Variants in TRIM61 observed in about 807,000 individuals in gnomAD.
TRIM61 encodes the protein putative tripartite motif-containing protein 61.
In TRIM61, 1 loss-of-function variant was observed where a neutral mutation model predicts 14.2. The observed-to-expected ratio is 0.07, with a 90% CI of 0.03 to 0.33. The LOEUF is 0.33. TRIM61 is among the 10% of genes least tolerant of loss of function. The probability of loss-of-function intolerance (pLI) is 0.99; values close to 1 mark genes in which losing one functional copy is unlikely to be tolerated. For synonymous variants in TRIM61, 8 were observed against 71.6 expected (o/e 0.11, Z 4.49); for missense variants, 19 against 202.2 (o/e 0.09, Z 5.49).
At chr4:164,966,508 G>A (rs1316153611) in intron 3 of TRIM61, among the ~76,000 whole-genome samples, 1 of 152,184 alleles carries the variant, frequency 6.6e-6, no homozygotes, top group Non-Finnish European at 1.5e-5. Context: ...GAGCTGAGGA[G>A]TTCAAAGTGA....
intron 3 of TRIM61, among the ~76,000 whole-genome samples, chr4:164,965,445 G>GTTT (rs1206290296): frequency 8.0e-6 from 1 of 124,870 alleles, no homozygotes; most frequent in African/African-American, 2.9e-5. Context: ...TTCTGCCTAT[G>GTTT]CTTTTTTTTT....
chr4:164,956,532 A>G (rs1293456238), intron 3 of TRIM61, among the ~76,000 whole-genome samples: 1 of 152,224 alleles, frequency 6.6e-6, no homozygotes, highest in East Asian at 1.9e-4. Context: ...CAGACATCTT[A>G]TAATTTCATC....
rs1560880446 is a variant in TRIM61 at position 164,954,697 on chromosome 4, C to CTTG, written c.*87_*88insCAA. ...ATGGTTGGCAGCATGGCTATAATCC[C>CTTG]AGCACTTTGGGAGGTCAAGGCAGGA... On this transcript the variant is annotated 3_prime_UTR_variant, in exon 5 of 5. Transcript: ENST00000329314. 5 of 153,092 alleles carry CTTG rather than the reference C, an allele frequency of 3.3e-5. No individual in the cohort carries two copies. Among genetic ancestry groups the CTTG allele is most frequent in the African/African-American group, 9.7e-5 (4 of 41,426 alleles). 9.5% of individuals were successfully genotyped at this position (153,092 alleles called of 1,614,324 possible). A position where few individuals can be genotyped will look rare whatever the true frequency, so the allele number is the denominator to read the frequency against.
chr4:164,965,227 G>T (rs1732211659), intron 3 of TRIM61, among the ~76,000 whole-genome samples: 1 of 152,080 alleles, frequency 6.6e-6, no homozygotes, highest in Non-Finnish European at 1.5e-5. Context: ...GAGGGAGGCT[G>T]CAGTGAGCTG....
rs572671758 is a variant in TRIM61 at position 164,976,803 on chromosome 4, G to A, written c.-453C>T. On this transcript the variant is annotated 5_prime_UTR_variant, in exon 2 of 5. Coordinates refer to ENST00000329314, the MANE Select transcript of TRIM61 (RefSeq NM_001012414.3). ...TTCCCAGATGATGCTGCTGGCCTGCGGACTGTACTTTGTGAACCTATGCTT... is the reference window on the plus strand; with the variant it reads ...TTCCCAGATGATGCTGCTGGCCTGCAGACTGTACTTTGTGAACCTATGCTT... 1 of 152,154 alleles carries A rather than the reference G, an allele frequency of 6.6e-6. No individual in the cohort carries two copies. Among genetic ancestry groups the A allele is most frequent in the South Asian group, 2.1e-4 (1 of 4,812 alleles). The allele number at this position is 152,154 out of a possible 1,614,324, so 9.4% of individuals were successfully genotyped here.
rs531320498 is a variant in TRIM61 at position 164,964,671 on chromosome 4, A to G, written c.525+4807T>C. 5.3e-5 allele frequency among the ~76,000 whole-genome samples: 8 copies of G among 152,332 alleles called. No homozygotes were observed. In the South Asian group the frequency reaches 1.4e-3, roughly 28 times the overall value. ...GACTGATTATGTAGGGGAAAAGAAT[A>G]TTATAGTGATTTTTTGGGACATAAG... On this transcript the variant is annotated intron_variant, in intron 3 of 4. Coordinates refer to ENST00000329314, the MANE Select transcript of TRIM61 (RefSeq NM_001012414.3).
At chr4:164,972,204 C>T (rs1194127638) in intron 2 of TRIM61, among the ~76,000 whole-genome samples, 2 of 152,216 alleles carry the variant, frequency 1.3e-5, no homozygotes, top group African/African-American at 4.8e-5. Flanking sequence ...CCTGGCTCAG[C>T]TATTGACTGT....
chr4:164,971,981 A>G (rs1290243029), intron 2 of TRIM61, among the ~76,000 whole-genome samples: 1 of 152,190 alleles, frequency 6.6e-6, no homozygotes, highest in African/African-American at 2.4e-5. Flanking sequence ...GTGACCTAGC[A>G]AGTTCTTTTA....
intron 1 of TRIM61, 88 bp from the exon 2 acceptor site, chr4:164,976,913 T>A (rs531863758): frequency 1.2e-4 from 18 of 152,296 alleles, no homozygotes; most frequent in African/African-American, 3.8e-4. Flanking sequence ...CACAGTTATG[T>A]GATTTTACAG....
chr4:164,956,990 T>A (rs1283994625), intron 3 of TRIM61: 1 of 1,457,150 alleles, frequency 6.9e-7, no homozygotes, highest in Non-Finnish European at 9.1e-7. Context: ...GGCGCGACGT[T>A]GGAGACCGGG....
At chr4:164,965,728 C>T (rs1373126038) in intron 3 of TRIM61, among the ~76,000 whole-genome samples, 2 of 151,844 alleles carry the variant, frequency 1.3e-5, no homozygotes, top group Non-Finnish European at 2.9e-5. Context: ...ACACTGTGCC[C>T]GGCCTTAATG....
intron 3 of TRIM61, among the ~76,000 whole-genome samples, chr4:164,965,016 A>G (rs1245672093): frequency 6.6e-6 from 1 of 152,178 alleles, no homozygotes; most frequent in Non-Finnish European, 1.5e-5. Context: ...GGCTGGGCGC[A>G]GTGGCTCACA....
chr4:164,962,732 T>C (rs903152925), intron 3 of TRIM61, among the ~76,000 whole-genome samples: 3 of 146,844 alleles, frequency 2.0e-5, no homozygotes, highest in African/African-American at 7.8e-5. Context: ...AGGAATATTA[T>C]ATATGTCAGA....
intron 2 of TRIM61, among the ~76,000 whole-genome samples, chr4:164,970,727 GAAAC>G (rs1732346588): frequency 6.6e-6 from 1 of 152,080 alleles, no homozygotes. Context: ...TTAAGGAGAG[GAAAC>G]AAACATGATA....
At chr4:164,973,896 G>A (rs766633406) in intron 2 of TRIM61, among the ~76,000 whole-genome samples, 3 of 152,216 alleles carry the variant, frequency 2.0e-5, no homozygotes, top group Non-Finnish European at 4.4e-5. Context: ...TGGGCCAGGC[G>A]TGGTGGCTCA....
intron 3 of TRIM61, among the ~76,000 whole-genome samples, chr4:164,955,702 G>A (rs1731971990): frequency 6.6e-6 from 1 of 152,112 alleles, no homozygotes; most frequent in Non-Finnish European, 1.5e-5. Context: ...ATGAAGAGAG[G>A]ATATCAGGGA....
In TRIM61 at chr4:164,977,650, T is replaced by G. The variant is rs1430234360; in HGVS notation, c.-595A>C. The stretch of plus-strand genomic sequence containing the variant: ...GCTGCTTCCTGCCTGGGGCTCAGCC[T>G]GCGCGGTGGTTGGCAGTTGCCCCGG... On this transcript the variant is annotated 5_prime_UTR_variant, in exon 1 of 5. Transcript: ENST00000329314. The G allele has an allele frequency of 6.6e-6, 1 of 152,198 alleles. No homozygotes were observed. Among genetic ancestry groups the G allele is most frequent in the South Asian group, 2.1e-4 (1 of 4,824 alleles). 9.4% of individuals were successfully genotyped at this position (152,198 alleles called of 1,614,324 possible).
chr4:164,972,638 G>A (rs751640797), intron 2 of TRIM61, among the ~76,000 whole-genome samples: 2 of 152,104 alleles, frequency 1.3e-5, no homozygotes, highest in Admixed American at 6.5e-5. Flanking sequence ...ACAGGCGTGC[G>A]CCACCACACC....
chr4:164,974,890 T>G (rs1483352384), intron 2 of TRIM61, among the ~76,000 whole-genome samples: 1 of 151,936 alleles, frequency 6.6e-6, no homozygotes, highest in Non-Finnish European at 1.5e-5. Flanking sequence ...GGGAGTGAGG[T>G]TGCATAGGGT....
Sources: allele counts gnomAD v4.1 joint callset (sites outside exome capture counted in the v4.1 genomes callset), GRCh38; gene constraint gnomAD v4.1.1; transcripts MANE v1.5; gene names NCBI Gene and HGNC (gene_info 2026-07-23, HGNC 2026-07-21).